The following AHI1 variants were observed in gnomAD, a reference collection of about 807,000 sequenced individuals.
The protein encoded by AHI1 is jouberin.
AHI1 carries 123 observed loss-of-function variants against 149.3 expected under a neutral mutation model. The observed-to-expected ratio is 0.82, with a 90% confidence interval of 0.71 to 0.96. The LOEUF is 0.96. AHI1 is among the 40% of genes least tolerant of loss of function. The pLI, the probability that AHI1 is intolerant of heterozygous loss-of-function variation, is 0.00. For missense variants in AHI1, 1,439 were observed against 1,422.7 expected (o/e 1.01, Z -0.18); for synonymous variants, 475 against 459.8 (o/e 1.03, Z -0.42).
chr6:135,479,400 G>A (rs112852677), intron 5 of AHI1, among the ~76,000 whole-genome samples: 34 of 152,298 alleles, frequency 2.2e-4, no homozygotes, highest in African/African-American at 5.5e-4. Context: ...TGTCAGGGTC[G>A]TCTAGATGTG....
intron 20 of AHI1, among the ~76,000 whole-genome samples, chr6:135,415,620 T>C (rs1782261273): frequency 6.6e-6 from 1 of 152,198 alleles, no homozygotes; most frequent in Non-Finnish European, 1.5e-5. Context: ...AAGTCAAACA[T>C]ACATCTGCAA....
chr6:135,298,327 C>CAA (rs59847805), intron 27 of AHI1, among the ~76,000 whole-genome samples: 22 of 105,862 alleles, frequency 2.1e-4, no homozygotes, highest in East Asian at 5.8e-4. Context: ...TGACATTTCT[C>CAA]AAAAAAAAAA....
intron 24 of AHI1, among the ~76,000 whole-genome samples, chr6:135,333,597 G>A (rs923031638): frequency 6.6e-6 from 1 of 152,188 alleles, no homozygotes; most frequent in African/African-American, 2.4e-5. Flanking sequence ...TAAATGATCT[G>A]TTCCTATCTT....
At chr6:135,405,172 T>G (rs1321757108) in intron 21 of AHI1, among the ~76,000 whole-genome samples, 195 bp from the exon 22 acceptor site, 1 of 152,162 alleles carries the variant, frequency 6.6e-6, no homozygotes, top group Non-Finnish European at 1.5e-5. Flanking sequence ...TAAATCTAAC[T>G]TGCCCAAACA....
chr6:135,484,948 A>G (rs1794255048), intron 5 of AHI1, among the ~76,000 whole-genome samples: 1 of 152,194 alleles, frequency 6.6e-6, no homozygotes, highest in African/African-American at 2.4e-5. Context: ...ATATCTGCCT[A>G]TTAGATTTTT....
intron 23 of AHI1, chr6:135,387,710 T>A: frequency 1.0e-6 from 1 of 971,782 alleles, no homozygotes; most frequent in Non-Finnish European, 1.3e-6. Context: ...TATCTTAAAA[T>A]ATCTTCCACT....
At chr6:135,303,665 G>A (rs558520599) in intron 26 of AHI1, among the ~76,000 whole-genome samples, 1 of 152,206 alleles carries the variant, frequency 6.6e-6, no homozygotes, top group South Asian at 2.1e-4. Context: ...AGTTACCAAG[G>A]TTATAGAGGT....
intron 23 of AHI1, among the ~76,000 whole-genome samples, chr6:135,361,766 T>C (rs1413480573): frequency 6.6e-6 from 1 of 151,914 alleles, no homozygotes; most frequent in African/African-American, 2.4e-5. Flanking sequence ...GTATCTATGG[T>C]TTCATTTATA....
intron 23 of AHI1, among the ~76,000 whole-genome samples, chr6:135,368,516 G>T (rs1774529851): frequency 6.6e-6 from 1 of 152,140 alleles, no homozygotes; most frequent in Non-Finnish European, 1.5e-5. Context: ...GTGGTGGGGG[G>T]CACCCGCAGG....
At chr6:135,375,195 A>T (rs1050013732) in intron 23 of AHI1, among the ~76,000 whole-genome samples, 1 of 152,274 alleles carries the variant, frequency 6.6e-6, no homozygotes, top group East Asian at 1.9e-4. Context: ...ACAATATATA[A>T]ATTTAATATG....
At chr6:135,446,478 T>C (rs1288883033) in intron 13 of AHI1, among the ~76,000 whole-genome samples, 2 of 152,182 alleles carry the variant, frequency 1.3e-5, no homozygotes, top group East Asian at 3.8e-4. Flanking sequence ...AAAGCTGTAA[T>C]CCCCTATGTG....
intron 23 of AHI1, among the ~76,000 whole-genome samples, chr6:135,362,370 T>C (rs1438386340): frequency 6.6e-6 from 1 of 152,134 alleles, no homozygotes; most frequent in Non-Finnish European, 1.5e-5. Flanking sequence ...TAATTGCAGA[T>C]TTTGCTAATT....
At chr6:135,346,218 G>A (rs911342108) in intron 24 of AHI1, among the ~76,000 whole-genome samples, 19 of 151,880 alleles carry the variant, frequency 1.3e-4, no homozygotes, top group African/African-American at 3.9e-4. Flanking sequence ...TTTTTGAGAC[G>A]GAGTCTCACT....
intron 21 of AHI1, among the ~76,000 whole-genome samples, chr6:135,407,840 G>A (rs576442679): frequency 7.2e-5 from 11 of 151,856 alleles, no homozygotes; most frequent in Admixed American, 3.3e-4. Flanking sequence ...GTGAAACCCC[G>A]TCTCTACTAA....
intron 9 of AHI1, 110 bp downstream of exon 9, chr6:135,457,384 T>C (rs1789139105): frequency 4.0e-6 from 3 of 745,964 alleles, no homozygotes; most frequent in Non-Finnish European, 6.5e-6. Flanking sequence ...GACTATTCTC[T>C]AATACAAATC....
In AHI1 at chr6:135,478,729, A is replaced by G. The variant is rs148394921; in HGVS notation, c.136-11095T>C. On this transcript the variant is annotated intron_variant, in intron 5 of 28. Transcript: ENST00000265602. The stretch of plus-strand genomic sequence containing the variant: ...ACAAATAAAGAAAAGCCAAATGTTA[A>G]TAGCACAGACAATGGGGAAAATGCC... Among the ~76,000 whole-genome samples, 24 of 152,372 alleles carry G rather than the reference A, an allele frequency of 1.6e-4. No homozygotes were observed. The East Asian group carries it at 4.2e-3, about 27-fold the overall frequency.
chr6:135,408,309 T>C (rs1781095751), intron 21 of AHI1, among the ~76,000 whole-genome samples: 1 of 152,112 alleles, frequency 6.6e-6, no homozygotes, highest in African/African-American at 2.4e-5. Context: ...CATTTTCTTT[T>C]TTTTCCTAGT....
intron 21 of AHI1, among the ~76,000 whole-genome samples, chr6:135,407,558 AG>A (rs1313247165): frequency 1.3e-5 from 2 of 152,212 alleles, no homozygotes; most frequent in Non-Finnish European, 2.9e-5. Flanking sequence ...TCATTTCCAA[AG>A]GCAGCTTCTA....
chr6:135,416,816 G>T (rs1307858478), intron 20 of AHI1, among the ~76,000 whole-genome samples: 1 of 152,006 alleles, frequency 6.6e-6, no homozygotes, highest in Non-Finnish European at 1.5e-5. Context: ...CTCCCTGCTA[G>T]TGAGTACCAA....
Sources: allele counts gnomAD v4.1 joint callset (sites outside exome capture counted in the v4.1 genomes callset), GRCh38; gene constraint gnomAD v4.1.1; transcripts MANE v1.5; gene names NCBI Gene and HGNC (gene_info 2026-07-23, HGNC 2026-07-21).